DCC: variants seen among roughly 807,000 people sequenced by gnomAD.
DCC encodes the protein netrin receptor DCC.
Under a neutral mutation model 172.5 loss-of-function variants are expected in DCC, and 58 were observed. That is an observed-to-expected ratio of 0.34 (90% CI 0.27 to 0.42). The LOEUF is 0.42. Among genes scored for constraint, DCC ranks in the 10% least tolerant of loss-of-function variants. The pLI, the probability that DCC is intolerant of heterozygous loss-of-function variation, is 1.00. For missense variants in DCC, 1,740 were observed against 1,791.0 expected, an observed-to-expected ratio of 0.97 and a Z score of 0.51; for synonymous variants, 709 against 644.5, an observed-to-expected ratio of 1.10 and a Z score of -1.52.
chr18:53,246,022 A>G (rs903342619), intron 12 of DCC, among the ~76,000 whole-genome samples: 9 of 151,922 alleles, frequency 5.9e-5, no homozygotes, highest in Admixed American at 2.0e-4. Context: ...ACCTAACACC[A>G]TGTCTGCTAC....
rs140628571 is a variant in DCC, at chr18:52,782,101, C to T, written c.412+29727C>T. 4.5e-3 allele frequency among the ~76,000 whole-genome samples: 686 copies of T among 152,172 alleles called. 6 individuals carry two copies. Among genetic ancestry groups the T allele is most frequent in the African/African-American group, 0.016 (662 of 41,546 alleles). On this transcript the variant is annotated intron_variant, in intron 2 of 28. Transcript: ENST00000442544. Reference sequence around the variant, plus strand: ...GAGTAGAACTAAGAAAGGAAACAACCTCTTCAGTTAATGCATTTTCAGAGC... The same window carrying T: ...GAGTAGAACTAAGAAAGGAAACAACTTCTTCAGTTAATGCATTTTCAGAGC...
chr18:52,380,667 C>A (rs565422711), intron 1 of DCC, among the ~76,000 whole-genome samples: 2 of 152,198 alleles, frequency 1.3e-5, no homozygotes, highest in African/African-American at 4.8e-5. Context: ...TGTCCTTGGG[C>A]CTCAGTTTCC....
intron 5 of DCC, among the ~76,000 whole-genome samples, chr18:53,007,760 A>T: frequency 6.6e-6 from 1 of 152,170 alleles, no homozygotes; most frequent in East Asian, 1.9e-4. Flanking sequence ...CTTAAGGACC[A>T]GGAAATTAAT....
At chr18:52,869,180 G>A (rs1287976947) in intron 2 of DCC, among the ~76,000 whole-genome samples, 2 of 152,340 alleles carry the variant, frequency 1.3e-5, no homozygotes, top group Admixed American at 6.5e-5. Context: ...TGGTTCCCAA[G>A]TTCTCGTCCC....
At chr18:52,717,267 G>A (rs1480780097) in intron 1 of DCC, among the ~76,000 whole-genome samples, 1 of 151,956 alleles carries the variant, frequency 6.6e-6, no homozygotes, top group African/African-American at 2.4e-5. Context: ...TTTTATTTTA[G>A]GTCATTAAAC....
intron 2 of DCC, among the ~76,000 whole-genome samples, chr18:52,849,150 A>G (rs1347839161): frequency 1.3e-5 from 2 of 152,054 alleles, no homozygotes; most frequent in African/African-American, 2.4e-5. Context: ...CACTAAGTTG[A>G]AAATCATATA....
intron 1 of DCC, among the ~76,000 whole-genome samples, chr18:52,515,852 G>A (rs1349190363): frequency 7.9e-6 from 1 of 126,718 alleles, no homozygotes; most frequent in African/African-American, 3.0e-5. Flanking sequence ...CCACATCTCT[G>A]AAAAAGAACT....
intron 1 of DCC, among the ~76,000 whole-genome samples, chr18:52,660,194 C>T (rs2035331466): frequency 6.6e-6 from 1 of 152,074 alleles, no homozygotes; most frequent in Admixed American, 6.6e-5. Context: ...GAAGGAAAGT[C>T]TCACCAATTA....
chr18:53,365,748 C>T (rs1018694026), intron 15 of DCC, among the ~76,000 whole-genome samples: 2 of 152,132 alleles, frequency 1.3e-5, no homozygotes, highest in Non-Finnish European at 1.5e-5. Flanking sequence ...GAGAATCAGT[C>T]AACTACATAC....
chr18:52,344,210 G>A (rs1456837703), intron 1 of DCC, among the ~76,000 whole-genome samples: 2 of 152,178 alleles, frequency 1.3e-5, no homozygotes, highest in Non-Finnish European at 2.9e-5. Context: ...CATTGAAGAG[G>A]AAGAGCCTTA....
At chr18:52,983,420 C>T (rs192531785) in intron 5 of DCC, among the ~76,000 whole-genome samples, 1 of 152,176 alleles carries the variant, frequency 6.6e-6, no homozygotes, top group African/African-American at 2.4e-5. Context: ...AATTTTTATC[C>T]TATCTGGGAA....
chr18:52,834,334 G>C (rs1266713001), intron 2 of DCC, among the ~76,000 whole-genome samples: 1 of 152,146 alleles, frequency 6.6e-6, no homozygotes, highest in Non-Finnish European at 1.5e-5. Flanking sequence ...CTCAAAATGT[G>C]GTGGCTCCAG....
At chr18:53,223,323 A>G (rs1243766105) in intron 12 of DCC, among the ~76,000 whole-genome samples, 3 of 152,206 alleles carry the variant, frequency 2.0e-5, no homozygotes, top group African/African-American at 7.2e-5. Flanking sequence ...TTTGACAAAA[A>G]GAGATTAAAA....
chr18:52,516,811 CT>C lies in DCC; in HGVS notation c.91+175935del, dbSNP rs550073623. ...TATTGTCTTTTGAGAAGTAAGTTAC[CT>C]TGTTAAGAATTCATTCTACAAAGAT... On this transcript the variant is annotated intron_variant, in intron 1 of 28. Transcript: ENST00000442544. Among the ~76,000 whole-genome samples the C allele has an allele frequency of 5.3e-5, 8 of 152,174 alleles. 1 individual carries two copies. The South Asian group carries it at 1.7e-3, about 32-fold the overall frequency.
chr18:53,385,997 C>T (rs1908138018), intron 15 of DCC, 46 bp from the exon 16 acceptor site: 13 of 1,215,648 alleles, frequency 1.1e-5, no homozygotes, highest in East Asian at 2.3e-5. Context: ...TATTTTGATA[C>T]ATTAAATATA....
chr18:53,265,639 T>C (rs894474260), intron 12 of DCC, among the ~76,000 whole-genome samples: 5 of 152,210 alleles, frequency 3.3e-5, no homozygotes, highest in African/African-American at 1.2e-4. Context: ...GTAAAGATGC[T>C]TACATGGCAT....
intron 2 of DCC, among the ~76,000 whole-genome samples, chr18:52,819,729 T>TC (rs536255042): frequency 2.4e-4 from 37 of 151,708 alleles, no homozygotes; most frequent in African/African-American, 8.9e-4. Flanking sequence ...GTGAACTTTT[T>TC]TTTTTTTGAG....
intron 1 of DCC, among the ~76,000 whole-genome samples, chr18:52,347,683 G>A (rs186142561): frequency 2.6e-5 from 4 of 152,194 alleles, no homozygotes; most frequent in Admixed American, 2.6e-4. Flanking sequence ...TTAGAAAACA[G>A]CACCTGAATC....
intron 8 of DCC, among the ~76,000 whole-genome samples, chr18:53,167,744 T>C (rs774963355): frequency 2.6e-5 from 4 of 152,176 alleles, no homozygotes; most frequent in Non-Finnish European, 4.4e-5. Flanking sequence ...GAAACATGCA[T>C]GTCCATTAAT....
Sources: gnomAD v4.1 joint callset for allele counts (sites outside exome capture counted in the v4.1 genomes callset) on GRCh38, gnomAD v4.1.1 for gene constraint, MANE v1.5 for transcripts, NCBI Gene and HGNC (gene_info 2026-07-23, HGNC 2026-07-21) for gene names.